The following PPARGC1A variants were observed in gnomAD, a reference collection of about 807,000 sequenced individuals.
PPARGC1A encodes peroxisome proliferator-activated receptor gamma coactivator 1-alpha.
In PPARGC1A, 25 loss-of-function variants were observed where a neutral mutation model predicts 88.7. That is an observed-to-expected ratio of 0.28 (90% CI 0.21 to 0.39). The LOEUF (loss-of-function observed/expected upper bound fraction) is 0.39. Among genes scored for constraint, PPARGC1A ranks in the 10% least tolerant of loss-of-function variants. The pLI is 1.00. For synonymous variants in PPARGC1A, 363 were observed against 355.6 expected (o/e 1.02, Z -0.24); for missense variants, 880 against 968.7 (o/e 0.91, Z 1.22).
At chr4:24,170,464 A>C in the PPARGC1A span, among the ~76,000 whole-genome samples, 1 of 152,176 alleles carries the variant, frequency 6.6e-6, no homozygotes, top group South Asian at 2.1e-4. Flanking sequence ...AGAATTCTTG[A>C]TTTTTAAACT....
the PPARGC1A span, among the ~76,000 whole-genome samples, chr4:23,944,804 G>T: frequency 6.6e-6 from 1 of 152,166 alleles, no homozygotes; most frequent in Non-Finnish European, 1.5e-5. Context: ...GGATGTGTTT[G>T]CTTCTCCTTC....
chr4:24,145,584 G>A, the PPARGC1A span, among the ~76,000 whole-genome samples: 1 of 152,178 alleles, frequency 6.6e-6, no homozygotes, highest in Admixed American at 6.5e-5. Flanking sequence ...GAAATACAAG[G>A]ATTGTCCTTC....
At chr4:24,098,338 A>T in the PPARGC1A span, among the ~76,000 whole-genome samples, 323 of 152,346 alleles carry the variant, frequency 2.1e-3, 1 homozygote, top group African/African-American at 7.5e-3. Context: ...TGGCAAATAC[A>T]TGTGCATTTA....
intron 2 of PPARGC1A, among the ~76,000 whole-genome samples, chr4:23,833,378 ATTGT>A (rs1177458824): frequency 6.6e-6 from 1 of 152,206 alleles, no homozygotes; most frequent in Non-Finnish European, 1.5e-5. Flanking sequence ...AGCACTTCAC[ATTGT>A]TTGTTCAATC....
chr4:23,946,859 C>A, the PPARGC1A span, among the ~76,000 whole-genome samples: 2 of 151,692 alleles, frequency 1.3e-5, no homozygotes, highest in South Asian at 4.2e-4. Context: ...TGTATGTAAC[C>A]ATTGTCATTA....
chr4:24,434,190 A>C, the PPARGC1A span, among the ~76,000 whole-genome samples: 1 of 152,234 alleles, frequency 6.6e-6, no homozygotes, highest in Non-Finnish European at 1.5e-5. Context: ...GGGCTTTGCT[A>C]TGAACTCACC....
the PPARGC1A span, among the ~76,000 whole-genome samples, chr4:24,045,868 C>T: frequency 2.6e-5 from 4 of 152,152 alleles, no homozygotes; most frequent in Non-Finnish European, 5.9e-5. Flanking sequence ...CTACCAAAAA[C>T]GGGCTACATC....
chr4:24,277,648 C>T, the PPARGC1A span, among the ~76,000 whole-genome samples: 240 of 152,210 alleles, frequency 1.6e-3, 1 homozygote, highest in African/African-American at 5.6e-3. Flanking sequence ...TCTCTCTAGG[C>T]GAGATGAAAT....
At chr4:24,229,401 G>A in the PPARGC1A span, among the ~76,000 whole-genome samples, 42 of 149,212 alleles carry the variant, frequency 2.8e-4, no homozygotes, top group African/African-American at 9.6e-4. Context: ...TGCCCACCTC[G>A]GCCTCCCAAA....
At chr4:24,099,894 A>C in the PPARGC1A span, among the ~76,000 whole-genome samples, 1 of 145,906 alleles carries the variant, frequency 6.9e-6, no homozygotes, top group Non-Finnish European at 1.5e-5. Flanking sequence ...GACCAGCATC[A>C]CTTAGGAGCT....
the PPARGC1A span, among the ~76,000 whole-genome samples, chr4:24,295,080 G>C: frequency 1.3e-5 from 2 of 152,296 alleles, no homozygotes; most frequent in African/African-American, 4.8e-5. Flanking sequence ...TTAATGCAAC[G>C]CTGTTTAGTT....
At chr4:24,442,035 G>A in the PPARGC1A span, among the ~76,000 whole-genome samples, 9 of 152,212 alleles carry the variant, frequency 5.9e-5, no homozygotes, top group African/African-American at 1.9e-4. Flanking sequence ...CTCCTTGGTC[G>A]TGTTTCATTT....
At chr4:23,946,776 A>G in the PPARGC1A span, among the ~76,000 whole-genome samples, 98 of 152,088 alleles carry the variant, frequency 6.4e-4, no homozygotes, top group African/African-American at 2.2e-3. Flanking sequence ...TCAGGGGCAA[A>G]TATTTCTTTC....
chr4:23,948,922 A>T, the PPARGC1A span, among the ~76,000 whole-genome samples: 1 of 152,086 alleles, frequency 6.6e-6, no homozygotes, highest in Non-Finnish European at 1.5e-5. Context: ...TCCTCAAATT[A>T]TCAGACTCTG....
At chr4:23,903,084 A>G (rs535767648), upstream of PPARGC1A, among the ~76,000 whole-genome samples, 85 of 152,352 alleles carry the variant, frequency 5.6e-4, 1 homozygote, top group Non-Finnish European at 9.7e-4. Flanking sequence ...ATCATATATT[A>G]TAACACTTTT....
At chr4:24,178,813 AT>A in the PPARGC1A span, among the ~76,000 whole-genome samples, 42 of 152,338 alleles carry the variant, frequency 2.8e-4, no homozygotes, top group East Asian at 6.0e-3. Flanking sequence ...AATAAAAATA[AT>A]TGATTTCAAA....
At chr4:24,339,328 T>TGCATGATGTTTTAAGCCTTCCACATTCTG in the PPARGC1A span, among the ~76,000 whole-genome samples, 1 of 151,718 alleles carries the variant, frequency 6.6e-6, no homozygotes, top group Non-Finnish European at 1.5e-5. Context: ...CAGTACTCTT[T>TGCATGATGTTTTAAGCCTTCCACATTCTG]GCATGATGTT....
At chr4:24,027,692 T>A in the PPARGC1A span, among the ~76,000 whole-genome samples, 18 of 152,138 alleles carry the variant, frequency 1.2e-4, no homozygotes, top group African/African-American at 4.3e-4. Context: ...CAATGAACAA[T>A]GTGTATGGAA....
intron 7 of PPARGC1A, among the ~76,000 whole-genome samples, chr4:23,822,570 T>G (rs1007896667): frequency 6.6e-6 from 1 of 152,120 alleles, no homozygotes; most frequent in East Asian, 1.9e-4. Flanking sequence ...CCCTTTGTGA[T>G]TCTTTCTAGG....
Sources: allele counts gnomAD v4.1 joint callset (sites outside exome capture counted in the v4.1 genomes callset), GRCh38; gene constraint gnomAD v4.1.1; transcripts MANE v1.5; gene names NCBI Gene and HGNC (gene_info 2026-07-23, HGNC 2026-07-21).